Variants in CUX1 observed in about 807,000 individuals in gnomAD.
The protein encoded by CUX1 is protein CASP.
A neutral mutation model predicts 158.8 loss-of-function variants in CUX1; 31 were observed. That is an observed-to-expected ratio of 0.20 (90% CI 0.15 to 0.26). The LOEUF (loss-of-function observed/expected upper bound fraction) is 0.26. CUX1 is among the 10% of genes least tolerant of loss of function. The probability of loss-of-function intolerance (pLI) is 1.00; values close to 1 mark genes in which losing one functional copy is unlikely to be tolerated. For missense variants in CUX1, 1,589 were observed against 2,014.6 expected, an observed-to-expected ratio of 0.79 and a Z score of 4.04; for synonymous variants, 879 against 862.1, an observed-to-expected ratio of 1.02 and a Z score of -0.34.
chr7:101,821,461 C>T (rs1792490943), intron 1 of CUX1, among the ~76,000 whole-genome samples: 1 of 151,576 alleles, frequency 6.6e-6, no homozygotes, highest in Non-Finnish European at 1.5e-5. Flanking sequence ...GCCTCAGCCT[C>T]CCGAGTAGCT....
At chr7:102,245,523 C>G (rs1554536586) in intron 23 of CUX1, among the ~76,000 whole-genome samples, 1 of 152,212 alleles carries the variant, frequency 6.6e-6, no homozygotes, top group Non-Finnish European at 1.5e-5. Flanking sequence ...GGGCTTATCA[C>G]AGCACACAAA....
rs1554519535 is a variant in CUX1 at position 102,201,168 on chromosome 7, AGTGTCAGGCCCTG to A, written c.2063-189_2063-177del. 6.6e-6 allele frequency among the ~76,000 whole-genome samples: 1 copy of A among 151,744 alleles called. No homozygotes were observed. The highest frequency in any genetic ancestry group is 1.9e-4 in the East Asian group (1 of 5,188). Reference sequence around the variant, plus strand: ...AAAGGCCACCAGGTCATCAAGCTGTAGTGTCAGGCCCTGGTCCTTGGTTGAGACAAGATGCCTG... The same window carrying A: ...AAAGGCCACCAGGTCATCAAGCTGTAGTCCTTGGTTGAGACAAGATGCCTG... On this transcript the variant is annotated intron_variant, in intron 17 of 23. Transcript: ENST00000292535. This position sits in a 1 kb window ranked among gnomAD's most constrained non-coding sequence, Gnocchi z 5.0.
Position 102,201,692 on chromosome 7 carries a change from G to A in CUX1, c.2395G>A (p.Ala799Thr), listed in dbSNP as rs782568520. The A allele has an allele frequency of 5.6e-6, 9 of 1,612,196 alleles. No individual in the cohort carries two copies. The highest frequency in any genetic ancestry group is 4.5e-5 in the East Asian group (2 of 44,892). Reference protein sequence around the residue: ...QDAPGLDPQGAADCAQGVLRQ... With the variant: ...QDAPGLDPQGTADCAQGVLRQ... ...CGCCCCCGGGCTGGACCCCCAGGGA[G>A]CAGCCGATTGTGCACAAGGGGTCCT... The change falls in exon 18 of 24, where the codon GCA becomes ACA. Residue 799 changes from alanine to threonine, a missense_variant. Around this residue, in one of 8 missense-constraint regions of CUX1, gnomAD observed 337 missense variants for 409.3 expected, o/e 0.82. Coordinates refer to ENST00000292535, the MANE Select transcript of CUX1 (RefSeq NM_181552.4). This position sits in a 1 kb window ranked among gnomAD's most constrained non-coding sequence, Gnocchi z 5.0.
At chr7:101,983,103 T>C (rs1813686136) in intron 2 of CUX1, among the ~76,000 whole-genome samples, 1 of 152,234 alleles carries the variant, frequency 6.6e-6, no homozygotes, top group Non-Finnish European at 1.5e-5. Flanking sequence ...GCCACTAAAA[T>C]GTAAAATCAC....
rs116631072 is a variant in CUX1, at chr7:101,915,005, G to A, written c.31-1110G>A. 5.4e-3 allele frequency among the ~76,000 whole-genome samples: 825 copies of A among 152,260 alleles called. 7 individuals are homozygous for A. Among genetic ancestry groups the A allele is most frequent in the African/African-American group, 0.019 (790 of 41,554 alleles). On this transcript the variant is annotated intron_variant, in intron 1 of 23. Transcript: ENST00000292535. ...AGGCTCTAGTGTGCTTCTTGGAGGC[G>A]TGGGGATAAATCTTCAGCTTTGATT...
At position 102,251,688 on chromosome 7, in the gene CUX1, G is replaced by A. The variant is rs1250140132; in HGVS notation, c.*2646G>A. The A allele has an allele frequency of 1.0e-6, 1 of 985,322 alleles. No homozygotes were observed. Among genetic ancestry groups the A allele is most frequent in the Non-Finnish European group, 1.2e-6 (1 of 829,940 alleles). The allele number at this position is 985,322 out of a possible 1,614,324, so 61.0% of individuals were successfully genotyped here. On this transcript the variant is annotated 3_prime_UTR_variant, in exon 24 of 24. Transcript: ENST00000292535. ...GTGACCCTTAGGACAGTGAGTGGCA[G>A]AGCCCTGACGACTGTGGTGTCCTCT...
At position 102,256,963 on chromosome 7, in the gene CUX1, G is replaced by C. The variant is rs1370581180; in HGVS notation, c.*7921G>C. 1.5e-5 allele frequency: 15 copies of C among 985,434 alleles called. No individual in the cohort carries two copies. The highest frequency in any genetic ancestry group is 1.7e-5 in the Non-Finnish European group (14 of 829,952). 61.0% of individuals were successfully genotyped at this position (985,434 alleles called of 1,614,324 possible). ...AGGCTGTGGCTTGAGGGCTCACCTA[G>C]GAGATCATAGGCAGAGGGCCCCTTT... On this transcript the variant is annotated 3_prime_UTR_variant, in exon 24 of 24. Transcript: ENST00000292535.
chr7:102,266,708 G>A (rs571652285), intron 14 of CUX1, among the ~76,000 whole-genome samples: 43 of 151,982 alleles, frequency 2.8e-4, no homozygotes, highest in Non-Finnish European at 5.3e-4. Flanking sequence ...CAGGAGGGTC[G>A]GTGACCTGGA....
chr7:102,238,806 C>G (rs189382618), intron 22 of CUX1, among the ~76,000 whole-genome samples: 50 of 152,340 alleles, frequency 3.3e-4, no homozygotes, highest in African/African-American at 1.1e-3. Flanking sequence ...AGGTGAGGAC[C>G]TGACATTCCG....
At chr7:102,196,532 T>C in intron 14 of CUX1, 102 bp from the exon 15 acceptor site, 1 of 1,164,692 alleles carries the variant, frequency 8.6e-7, no homozygotes, top group Non-Finnish European at 1.2e-6. Flanking sequence ...GCACTTTTTT[T>C]TGTTTTCCCT....
intron 15 of CUX1, among the ~76,000 whole-genome samples, chr7:102,197,973 G>C (rs1379388386): frequency 6.6e-6 from 1 of 152,176 alleles, no homozygotes; most frequent in Non-Finnish European, 1.5e-5. Context: ...AAAAATCCCA[G>C]CCGGGCACAG....
At chr7:102,019,883 G>A (rs532736718) in intron 2 of CUX1, among the ~76,000 whole-genome samples, 8 of 152,242 alleles carry the variant, frequency 5.3e-5, no homozygotes, top group East Asian at 1.9e-4. Flanking sequence ...CATTTTATCC[G>A]ACTACAAAAG....
At chr7:102,135,589 A>G (rs1278839757) in intron 8 of CUX1, among the ~76,000 whole-genome samples, 2 of 142,014 alleles carry the variant, frequency 1.4e-5, no homozygotes, top group Admixed American at 1.4e-4. Flanking sequence ...GTGTGTGTGT[A>G]TGTACACACA....
chr7:102,180,972 C>T (rs1309254789), intron 11 of CUX1, among the ~76,000 whole-genome samples: 2 of 148,548 alleles, frequency 1.3e-5, no homozygotes, highest in Non-Finnish European at 3.0e-5. Flanking sequence ...GACGGAATTT[C>T]GTTCTGTTGC....
intron 12 of CUX1, among the ~76,000 whole-genome samples, chr7:102,190,256 G>A (rs1287096546): frequency 1.3e-5 from 2 of 152,322 alleles, no homozygotes; most frequent in East Asian, 3.9e-4. Flanking sequence ...ATGGCCTCAC[G>A]CTGCCCCGGC....
intron 2 of CUX1, among the ~76,000 whole-genome samples, chr7:101,991,384 G>C (rs1469543471): frequency 6.6e-6 from 1 of 152,178 alleles, no homozygotes; most frequent in Non-Finnish European, 1.5e-5. Context: ...TCTCTGTTTT[G>C]TTGACCAACT....
intron 2 of CUX1, among the ~76,000 whole-genome samples, chr7:101,964,072 C>T (rs895392923): frequency 6.6e-6 from 1 of 152,126 alleles, no homozygotes; most frequent in African/African-American, 2.4e-5. Context: ...CAAGGCGGTA[C>T]CGGGCACAGT....
chr7:101,983,056 C>T (rs565668910), intron 2 of CUX1, among the ~76,000 whole-genome samples: 4 of 152,078 alleles, frequency 2.6e-5, no homozygotes, highest in African/African-American at 4.8e-5. Flanking sequence ...CCCAACAGTT[C>T]CTGACGGCCC....
intron 14 of CUX1, among the ~76,000 whole-genome samples, chr7:102,267,189 C>A (rs374795139): frequency 2.0e-5 from 3 of 149,828 alleles, no homozygotes; most frequent in African/African-American, 7.4e-5. Context: ...AGCAGAGATA[C>A]CATGTGCACC....
Sources: gnomAD v4.1 joint callset for allele counts (sites outside exome capture counted in the v4.1 genomes callset) on GRCh38, gnomAD v4.1.1 for gene constraint, gnomAD v4.1.1 regional missense constraint, Gnocchi (gnomAD v3.1) non-coding constraint, MANE v1.5 for transcripts, NCBI Gene and HGNC (gene_info 2026-07-23, HGNC 2026-07-21) for gene names.